Variants in PTPRJ observed in about 807,000 individuals in gnomAD.
The protein encoded by PTPRJ is receptor-type tyrosine-protein phosphatase eta.
Under a neutral mutation model 141.3 loss-of-function variants are expected in PTPRJ, and 129 were observed. The ratio of observed to expected loss-of-function variants is 0.91; its 90% confidence interval spans 0.79 to 1.06. PTPRJ has a LOEUF of 1.06. Among genes scored for constraint, PTPRJ ranks in the 50% least tolerant of loss-of-function variants. The pLI, the probability that PTPRJ is intolerant of heterozygous loss-of-function variation, is 0.00. For missense variants in PTPRJ, 1,601 were observed against 1,679.7 expected (o/e 0.95, Z 0.82); for synonymous variants, 610 against 640.5 (o/e 0.95, Z 0.72).
chr11:48,087,136 C>T (rs1855737068), intron 1 of PTPRJ, among the ~76,000 whole-genome samples: 1 of 152,110 alleles, frequency 6.6e-6, no homozygotes, highest in African/African-American at 2.4e-5. Context: ...CTCCTGTGTG[C>T]CAGGAACAGC....
chr11:48,057,757 A>G (rs1001767091), intron 1 of PTPRJ, among the ~76,000 whole-genome samples: 1 of 152,148 alleles, frequency 6.6e-6, no homozygotes, highest in African/African-American at 2.4e-5. Flanking sequence ...ATTGATCACA[A>G]TGACTATTAA....
chr11:48,045,209 C>T (rs753200854), intron 1 of PTPRJ, among the ~76,000 whole-genome samples: 1 of 152,154 alleles, frequency 6.6e-6, no homozygotes, highest in Non-Finnish European at 1.5e-5. Flanking sequence ...TACTTAGAAC[C>T]TCTTTATTTT....
chr11:48,091,317 C>T (rs1249172187), intron 1 of PTPRJ, among the ~76,000 whole-genome samples: 1 of 152,172 alleles, frequency 6.6e-6, no homozygotes, highest in African/African-American at 2.4e-5. Context: ...TGGAATGTTT[C>T]CTGGCCTAGG....
chr11:48,056,470 G>C (rs1854754001), intron 1 of PTPRJ, among the ~76,000 whole-genome samples: 1 of 152,188 alleles, frequency 6.6e-6, no homozygotes, highest in Non-Finnish European at 1.5e-5. Flanking sequence ...ACAATGTTTA[G>C]TAATGGCAGC....
At chr11:48,056,412 G>A (rs1590448137) in intron 1 of PTPRJ, among the ~76,000 whole-genome samples, 1 of 152,240 alleles carries the variant, frequency 6.6e-6, no homozygotes, top group East Asian at 1.9e-4. Flanking sequence ...TTGTTGTAAG[G>A]TTTCAGTGAG....
intron 1 of PTPRJ, among the ~76,000 whole-genome samples, chr11:48,106,874 T>C (rs1856303679): frequency 6.7e-6 from 1 of 150,200 alleles, no homozygotes; most frequent in African/African-American, 2.5e-5. Context: ...GTTCAAGCAA[T>C]TCTCCTGCCT....
At position 48,139,780 on chromosome 11, in the gene PTPRJ, G is replaced by A. The variant is rs779556183; in HGVS notation, c.2443+4G>A. ...ACCTGCACTACTGGCATCACAGGTG[G>A]GCTACAAGGCAGGGGCTGGTCAGTT... On this transcript the variant is annotated splice_donor_region_variant and intron_variant, in intron 11 of 24. Transcript: ENST00000418331. 5 of 1,613,394 alleles carry A rather than the reference G, an allele frequency of 3.1e-6. No individual in the cohort carries two copies. Among genetic ancestry groups the A allele is most frequent in the South Asian group, 1.1e-5 (1 of 91,010 alleles).
At chr11:48,030,338 G>A (rs1047963065) in intron 1 of PTPRJ, among the ~76,000 whole-genome samples, 3 of 152,196 alleles carry the variant, frequency 2.0e-5, no homozygotes, top group African/African-American at 7.2e-5. Context: ...AGAGGTAGTA[G>A]TTTAGGGCTC....
At chr11:48,163,986 C>T (rs745448530) in intron 23 of PTPRJ, among the ~76,000 whole-genome samples, 1 of 152,158 alleles carries the variant, frequency 6.6e-6, no homozygotes, top group African/African-American at 2.4e-5. Context: ...AGTTTGCCAA[C>T]CCCTAACAAT....
chr11:47,998,183 T>C (rs753316045), intron 1 of PTPRJ, among the ~76,000 whole-genome samples: 1 of 151,994 alleles, frequency 6.6e-6, no homozygotes, highest in East Asian at 1.9e-4. Context: ...TGGACTGTCA[T>C]ATACCGTGTG....
chr11:48,164,271 T>C, intron 23 of PTPRJ, 109 bp from the exon 24 acceptor site: 1 of 1,395,998 alleles, frequency 7.2e-7, no homozygotes, highest in Non-Finnish European at 9.7e-7. Flanking sequence ...TGCATTGCCC[T>C]CAAAGTGTGA....
At chr11:48,041,323 C>T (rs897261976) in intron 1 of PTPRJ, among the ~76,000 whole-genome samples, 11 of 152,196 alleles carry the variant, frequency 7.2e-5, no homozygotes, top group Non-Finnish European at 8.8e-5. Flanking sequence ...TGACCATTCC[C>T]GGGTTTGACT....
intron 1 of PTPRJ, among the ~76,000 whole-genome samples, chr11:48,050,946 G>A (rs1854549678): frequency 6.6e-6 from 1 of 151,962 alleles, no homozygotes; most frequent in Admixed American, 6.6e-5. Context: ...GGGAGTGGCT[G>A]GTTTCTAGGA....
At chr11:48,068,599 A>G (rs1855146865) in intron 1 of PTPRJ, among the ~76,000 whole-genome samples, 2 of 152,154 alleles carry the variant, frequency 1.3e-5, no homozygotes, top group Non-Finnish European at 2.9e-5. Context: ...GTATGTCTTC[A>G]TTTGCAGCAT....
intron 1 of PTPRJ, among the ~76,000 whole-genome samples, chr11:48,107,370 C>T (rs777175574): frequency 4.6e-5 from 7 of 152,158 alleles, no homozygotes; most frequent in Non-Finnish European, 1.0e-4. Flanking sequence ...GGCTCACCGG[C>T]GAGGGGTTTC....
intron 18 of PTPRJ, among the ~76,000 whole-genome samples, chr11:48,153,302 AG>A (rs1362726022): frequency 6.6e-6 from 1 of 152,068 alleles, no homozygotes; most frequent in Admixed American, 6.6e-5. Flanking sequence ...TGGGAGGCCA[AG>A]GTGGGTGGAT....
intron 1 of PTPRJ, among the ~76,000 whole-genome samples, chr11:48,006,556 G>A (rs1729287): frequency 0.067 from 10,193 of 152,066 alleles, 1,089 homozygotes; most frequent in African/African-American, 0.23. Context: ...TACATATTTG[G>A]ACCTGAGCCT....
rs202038002 is a variant in PTPRJ at position 48,141,192 on chromosome 11, T to TA, written c.2443+1424dup. Among the ~76,000 whole-genome samples, 559 of 152,090 alleles carry TA rather than the reference T, an allele frequency of 3.7e-3. 4 individuals are homozygous for TA. Among genetic ancestry groups the TA allele is most frequent in the African/African-American group, 0.013 (534 of 41,490 alleles). ...ATCTCATTTATTTTTTAAAAATATA[T>TA]AAAAAAAATGGGAATAACCCAAACT... On this transcript the variant is annotated intron_variant, in intron 11 of 24. Coordinates refer to ENST00000418331, the MANE Select transcript of PTPRJ (RefSeq NM_002843.4).
At chr11:47,983,964 G>A (rs1853979566) in intron 1 of PTPRJ, among the ~76,000 whole-genome samples, 1 of 152,146 alleles carries the variant, frequency 6.6e-6, no homozygotes, top group Admixed American at 6.5e-5. Flanking sequence ...TCCATCCAGA[G>A]TACAAAGTAT....
Sources: allele counts gnomAD v4.1 joint callset (sites outside exome capture counted in the v4.1 genomes callset), GRCh38; gene constraint gnomAD v4.1.1; transcripts MANE v1.5; gene names NCBI Gene and HGNC (gene_info 2026-07-23, HGNC 2026-07-21).